COL25A1: variants seen among roughly 807,000 people sequenced by gnomAD.
The protein encoded by COL25A1 is collagen type XXV alpha 1 chain.
In COL25A1, 103 loss-of-function variants were observed where a neutral mutation model predicts 128.4. That is an observed-to-expected ratio of 0.80 (90% CI 0.68 to 0.94). The LOEUF is 0.94. Among genes scored for constraint, COL25A1 ranks in the 40% least tolerant of loss-of-function variants. The pLI is 0.00. For missense variants in COL25A1, 745 were observed against 840.0 expected (o/e 0.89, Z 1.40); for synonymous variants, 279 against 277.2 (o/e 1.01, Z -0.06).
rs1362158734 is a variant in COL25A1, at chr4:108,936,548, C to T, written c.708+1260G>A. ...CGCCACTGCACTCCAGCCTGGGTGA[C>T]AGAGCAAGACTCTGTCTCAAACAAA... is the stretch of plus-strand genomic sequence containing the variant. On this transcript the variant is annotated intron_variant, in intron 11 of 37. Transcript: ENST00000399132. Among the ~76,000 whole-genome samples the T allele has an allele frequency of 5.3e-5, 8 of 152,154 alleles. No homozygotes were observed. The East Asian group carries it at 7.8e-4, about 15-fold the overall frequency.
At chr4:109,006,640 CAAAG>C (rs1052163908) in intron 6 of COL25A1, among the ~76,000 whole-genome samples, 4 of 151,788 alleles carry the variant, frequency 2.6e-5, no homozygotes, top group Non-Finnish European at 4.4e-5. Flanking sequence ...CAAATTTACT[CAAAG>C]AAAAAGTAGG....
chr4:109,255,170 T>C (rs990632176), intron 3 of COL25A1, among the ~76,000 whole-genome samples: 2 of 152,202 alleles, frequency 1.3e-5, no homozygotes, highest in Non-Finnish European at 2.9e-5. Flanking sequence ...GGGGACAATA[T>C]GAATATGAAT....
chr4:109,207,486 A>G (rs1777109487), intron 3 of COL25A1, among the ~76,000 whole-genome samples: 1 of 152,198 alleles, frequency 6.6e-6, no homozygotes, highest in Non-Finnish European at 1.5e-5. Context: ...TCTATCACTG[A>G]CAAAACACTT....
intron 29 of COL25A1, 149 bp from the exon 30 acceptor site, chr4:108,844,718 T>C (rs943680190): frequency 1.7e-6 from 2 of 1,201,048 alleles, no homozygotes; most frequent in Non-Finnish European, 1.1e-6. Flanking sequence ...ATTCTCTAGA[T>C]GTAGAAATTC....
intron 3 of COL25A1, among the ~76,000 whole-genome samples, chr4:109,185,241 G>T (rs2126151661): frequency 6.6e-6 from 1 of 152,240 alleles, no homozygotes; most frequent in South Asian, 2.1e-4. Flanking sequence ...ACTTGGATTA[G>T]GTAAATTGAG....
chr4:109,111,138 A>G lies in COL25A1; in HGVS notation c.368-60959T>C, dbSNP rs890782338. Among the ~76,000 whole-genome samples, 38 of 152,064 alleles carry G rather than the reference A, an allele frequency of 2.5e-4. 1 individual carries two copies. Among genetic ancestry groups the G allele is most frequent in the African/African-American group, 8.9e-4 (37 of 41,400 alleles). On this transcript the variant is annotated intron_variant, in intron 3 of 37. Transcript: ENST00000399132. ...ACATGGAGTCTTTATTCGGCCATAA[A>G]TTGTGTTTATTTGATGTACTATGTG...
intron 3 of COL25A1, among the ~76,000 whole-genome samples, chr4:109,107,543 A>C (rs1468368499): frequency 6.6e-6 from 1 of 152,184 alleles, no homozygotes; most frequent in African/African-American, 2.4e-5. Context: ...TTCATCATTG[A>C]CAAGTGAAAG....
chr4:109,246,638 T>C (rs1780285201), intron 3 of COL25A1, among the ~76,000 whole-genome samples: 3 of 152,188 alleles, frequency 2.0e-5, no homozygotes, highest in Admixed American at 6.5e-5. Flanking sequence ...TAGAATTAAA[T>C]TGTATTCCAA....
chr4:109,269,621 C>T lies in COL25A1; in HGVS notation c.367+30962G>A, dbSNP rs568202708. Among the ~76,000 whole-genome samples the T allele has an allele frequency of 4.6e-4, 69 of 151,032 alleles. 1 individual carries two copies. Among genetic ancestry groups the T allele is most frequent in the Admixed American group, 4.5e-3 (68 of 15,148 alleles). ...TGTTTCCTGACTTTTTAATGATTGC[C>T]ATTCTAACTGGTGTGAGATGGTATC... On this transcript the variant is annotated intron_variant, in intron 3 of 37. Coordinates refer to ENST00000399132, the MANE Select transcript of COL25A1 (RefSeq NM_198721.4).
intron 31 of COL25A1, among the ~76,000 whole-genome samples, chr4:108,832,982 A>AATAAATAAATAAATACATAAATAAATAC: frequency 2.0e-5 from 3 of 151,466 alleles, no homozygotes; most frequent in Non-Finnish European, 2.9e-5. Flanking sequence ...ATAATAAATA[A>AATAAATAAATAAATACATAAATAAATAC]ATAAATAAAT....
intron 13 of COL25A1, among the ~76,000 whole-genome samples, chr4:108,911,256 G>A (rs754361887): frequency 6.6e-6 from 1 of 152,130 alleles, no homozygotes; most frequent in Admixed American, 6.5e-5. Context: ...AAGGCTATCT[G>A]TAGTATAAAT....
rs1404035342 is a variant in COL25A1 at position 109,033,883 on chromosome 4, TA to T, written c.420+14284del. The stretch of plus-strand genomic sequence containing the variant: ...CCAAAAGGAATAATAAAATCAAAGT[TA>T]ATAAATAATGGTGAATTATTTAAAT... On this transcript the variant is annotated intron_variant, in intron 5 of 37. Transcript: ENST00000399132. Among the ~76,000 whole-genome samples the T allele has an allele frequency of 2.6e-5, 4 of 152,250 alleles. No individual in the cohort carries two copies. In the East Asian group the frequency reaches 7.7e-4, roughly 29 times the overall value.
intron 19 of COL25A1, among the ~76,000 whole-genome samples, chr4:108,876,434 G>GT (rs1486249177): frequency 6.6e-6 from 1 of 151,910 alleles, no homozygotes; most frequent in African/African-American, 2.4e-5. Flanking sequence ...TGTTCTCTTT[G>GT]TTTTTGTTGT....
At chr4:109,065,536 G>GCA (rs549126934) in intron 3 of COL25A1, among the ~76,000 whole-genome samples, 27 of 131,642 alleles carry the variant, frequency 2.1e-4, no homozygotes, top group African/African-American at 6.6e-4. Context: ...TGCAGCACGC[G>GCA]CGCGCGCGCG....
intron 3 of COL25A1, among the ~76,000 whole-genome samples, chr4:109,278,404 C>T (rs1014222883): frequency 6.6e-6 from 1 of 152,050 alleles, no homozygotes; most frequent in African/African-American, 2.4e-5. Context: ...GCCTGGATGC[C>T]TTAAATTATT....
chr4:108,988,392 A>G (rs1371926736), intron 6 of COL25A1, among the ~76,000 whole-genome samples: 1 of 152,218 alleles, frequency 6.6e-6, no homozygotes, highest in Admixed American at 6.5e-5. Flanking sequence ...TGTATCCAAC[A>G]TGCTTCCAAT....
chr4:108,818,192 C>A (rs78546217), intron 36 of COL25A1, among the ~76,000 whole-genome samples: 1 of 152,018 alleles, frequency 6.6e-6, no homozygotes, highest in African/African-American at 2.4e-5. Flanking sequence ...TTTCCACCAA[C>A]AAAATGATCA....
intron 11 of COL25A1, among the ~76,000 whole-genome samples, chr4:108,933,763 G>A (rs1747050209): frequency 6.6e-6 from 1 of 151,790 alleles, no homozygotes; most frequent in Non-Finnish European, 1.5e-5. Flanking sequence ...TTATAGATCA[G>A]TAAAAAGGAT....
chr4:109,295,205 T>C (rs952803736), intron 3 of COL25A1, among the ~76,000 whole-genome samples: 1 of 152,104 alleles, frequency 6.6e-6, no homozygotes, highest in Non-Finnish European at 1.5e-5. Flanking sequence ...TAAAAACTTG[T>C]AGACAAGAGA....
Sources: allele counts gnomAD v4.1 joint callset (sites outside exome capture counted in the v4.1 genomes callset), GRCh38; gene constraint gnomAD v4.1.1; transcripts MANE v1.5; gene names NCBI Gene and HGNC (gene_info 2026-07-23, HGNC 2026-07-21).